Variants in ABCC1 observed in about 807,000 individuals in gnomAD.
ABCC1 encodes multidrug resistance-associated protein 1.
A neutral mutation model predicts 172.9 loss-of-function variants in ABCC1; 83 were observed. That is an observed-to-expected ratio of 0.48 (90% CI 0.40 to 0.58). ABCC1 has a LOEUF of 0.58. Among genes scored for constraint, ABCC1 ranks in the 20% least tolerant of loss-of-function variants. The pLI, the probability that ABCC1 is intolerant of heterozygous loss-of-function variation, is 0.00. For missense variants in ABCC1, 1,817 were observed against 2,002.7 expected (o/e 0.91, Z 1.77); for synonymous variants, 937 against 825.2 (o/e 1.14, Z -2.32).
At chr16:15,964,091 C>T (rs1183774133) in intron 1 of ABCC1, among the ~76,000 whole-genome samples, 2 of 152,032 alleles carry the variant, frequency 1.3e-5, no homozygotes, top group Non-Finnish European at 2.9e-5. Context: ...TTACAGGCAC[C>T]CGCCATCATG....
chr16:16,136,667 A>T (rs761893225), intron 29 of ABCC1, 23 bp downstream of exon 29: 3 of 1,612,660 alleles, frequency 1.9e-6, no homozygotes, highest in African/African-American at 2.7e-5. Flanking sequence ...GAACAAGGAG[A>T]CACCGGGTAA....
At chr16:16,090,706 G>A in intron 19 of ABCC1, 118 bp downstream of exon 19, 2 of 1,167,194 alleles carry the variant, frequency 1.7e-6, no homozygotes, top group Non-Finnish European at 2.3e-6. Context: ...GGGCATGAGG[G>A]TGGGAGCTGG....
chr16:15,982,764 C>T (rs2046651411), intron 1 of ABCC1, among the ~76,000 whole-genome samples: 1 of 131,170 alleles, frequency 7.6e-6, no homozygotes, highest in African/African-American at 2.9e-5. Context: ...TATGACCACA[C>T]CACTGCACTC....
intron 21 of ABCC1, among the ~76,000 whole-genome samples, chr16:16,108,505 G>T (rs1046881899): frequency 1.3e-5 from 2 of 151,126 alleles, no homozygotes; most frequent in Non-Finnish European, 2.9e-5. Context: ...TCCTGACCTT[G>T]TGATCTGCCT....
At chr16:15,988,838 G>T (rs1301027694) in intron 1 of ABCC1, among the ~76,000 whole-genome samples, 10 of 152,024 alleles carry the variant, frequency 6.6e-5, no homozygotes, top group Non-Finnish European at 1.3e-4. Context: ...AGCCCTGGGT[G>T]GGAGGATCAT....
chr16:16,006,099 A>G (rs2047522394), intron 1 of ABCC1, among the ~76,000 whole-genome samples: 2 of 152,186 alleles, frequency 1.3e-5, no homozygotes, highest in Admixed American at 1.3e-4. Context: ...CAGCAATAAC[A>G]ACAAGCCATC....
At chr16:16,112,149 CGA>C (rs2052413897) in intron 22 of ABCC1, among the ~76,000 whole-genome samples, 1 of 151,980 alleles carries the variant, frequency 6.6e-6, no homozygotes, top group Admixed American at 6.6e-5. Context: ...GCCAGATATT[CGA>C]GACCAGCCTG....
At chr16:16,124,952 T>C in intron 25 of ABCC1, 37 bp downstream of exon 25, 3 of 1,613,300 alleles carry the variant, frequency 1.9e-6, no homozygotes, top group South Asian at 2.2e-5. Context: ...TATTAAAGTC[T>C]GTTAATGGGG....
chr16:16,125,021 G>T, intron 25 of ABCC1, 106 bp downstream of exon 25: 2 of 1,525,084 alleles, frequency 1.3e-6, no homozygotes, highest in South Asian at 1.2e-5. Flanking sequence ...AGAGGAACTT[G>T]AGAGGTACGG....
At chr16:16,130,470 C>G (rs911893943) in intron 26 of ABCC1, among the ~76,000 whole-genome samples, 1 of 152,290 alleles carries the variant, frequency 6.6e-6, no homozygotes, top group East Asian at 1.9e-4. Flanking sequence ...GAACAAATCA[C>G]ATTTACTTTG....
chr16:16,141,361 C>A lies in ABCC1; in HGVS notation c.*80C>A. Reference sequence around the variant, plus strand: ...GGGAGGAGTCAGTACCCCTGGTAAACCAAGCCTCCCACACTGAAACCAAAA... The same window carrying A: ...GGGAGGAGTCAGTACCCCTGGTAAAACAAGCCTCCCACACTGAAACCAAAA... On this transcript the variant is annotated 3_prime_UTR_variant, in exon 31 of 31. Transcript: ENST00000399410. 1 of 1,331,508 alleles carries A rather than the reference C, an allele frequency of 7.5e-7. No homozygotes were observed. The highest frequency in any genetic ancestry group is 1.1e-6 in the Non-Finnish European group (1 of 941,472). 82.5% of individuals were successfully genotyped at this position (1,331,508 alleles called of 1,614,324 possible).
chr16:16,007,445 G>A (rs531625090), intron 1 of ABCC1, among the ~76,000 whole-genome samples: 3 of 152,148 alleles, frequency 2.0e-5, no homozygotes, highest in African/African-American at 4.8e-5. Flanking sequence ...GGCTGGTCTC[G>A]AACTCCCAGC....
At position 15,954,077 on chromosome 16, in the gene ABCC1, G is replaced by T. The variant is rs190030728; in HGVS notation, c.48+4278G>T. On this transcript the variant is annotated intron_variant, in intron 1 of 30. Transcript: ENST00000399410. ...GGCTAGGGTGCAGTGGTGTGATCTC[G>T]GTTCACTACAACCTCTGCCTGCTGC... Among the ~76,000 whole-genome samples the T allele has an allele frequency of 4.3e-4, 63 of 145,584 alleles. 1 individual carries two copies. The East Asian group carries it at 0.013, about 29-fold the overall frequency.
chr16:16,109,636 G>A (rs1433579142), intron 21 of ABCC1, among the ~76,000 whole-genome samples: 1 of 152,212 alleles, frequency 6.6e-6, no homozygotes, highest in Non-Finnish European at 1.5e-5. Flanking sequence ...CAGGCGGCTA[G>A]ACACATTTGT....
chr16:16,008,392 G>A (rs888893243), intron 2 of ABCC1, among the ~76,000 whole-genome samples: 2 of 151,528 alleles, frequency 1.3e-5, no homozygotes, highest in African/African-American at 4.8e-5. Flanking sequence ...TTTGTAGAGA[G>A]GGGGGACTTG....
At chr16:16,105,737 A>T in intron 20 of ABCC1, among the ~76,000 whole-genome samples, 6 of 134,272 alleles carry the variant, frequency 4.5e-5, no homozygotes, top group South Asian at 2.4e-4. Context: ...TTTTGACATG[A>T]GTCTCCCTCT....
In ABCC1 at chr16:16,141,334, C is replaced by A; in HGVS notation, c.*53C>A. 1.3e-6 allele frequency: 2 copies of A among 1,548,928 alleles called. No individual in the cohort carries two copies. Among genetic ancestry groups the A allele is most frequent in the African/African-American group, 2.7e-5 (2 of 73,624 alleles). ...ACTGCAGGGCCTATATGCCAGCGCCCAGGGAGGAGTCAGTACCCCTGGTAA... is the reference window on the plus strand; with the variant it reads ...ACTGCAGGGCCTATATGCCAGCGCCAAGGGAGGAGTCAGTACCCCTGGTAA... On this transcript the variant is annotated 3_prime_UTR_variant, in exon 31 of 31. Transcript: ENST00000399410.
chr16:15,963,453 C>A (rs1001615696), intron 1 of ABCC1, among the ~76,000 whole-genome samples: 1 of 152,214 alleles, frequency 6.6e-6, no homozygotes, highest in Admixed American at 6.5e-5. Flanking sequence ...CCCATATTTC[C>A]CTTCTTTACT....
At chr16:16,100,432 C>T (rs990549337) in intron 19 of ABCC1, among the ~76,000 whole-genome samples, 4 of 152,132 alleles carry the variant, frequency 2.6e-5, no homozygotes, top group African/African-American at 4.8e-5. Context: ...ACATTCTCAT[C>T]CCTGCACAGA....
Sources: gnomAD v4.1 joint callset for allele counts (sites outside exome capture counted in the v4.1 genomes callset) on GRCh38, gnomAD v4.1.1 for gene constraint, MANE v1.5 for transcripts, NCBI Gene and HGNC (gene_info 2026-07-23, HGNC 2026-07-21) for gene names.